Variants in ATCAY observed in about 807,000 individuals in gnomAD.
ATCAY encodes ATCAY kinesin light chain interacting caytaxin.
In ATCAY, 22 loss-of-function variants were observed where a neutral mutation model predicts 47.7. The ratio of observed to expected loss-of-function variants is 0.46; its 90% CI spans 0.33 to 0.66. The LOEUF is 0.66. Among genes scored for constraint, ATCAY ranks in the 30% least tolerant of loss-of-function variants. ATCAY has a pLI of 0.02. For synonymous variants in ATCAY, 216 were observed against 207.6 expected (o/e 1.04, Z -0.35); for missense variants, 452 against 515.0 (o/e 0.88, Z 1.18).
intron 3 of ATCAY, among the ~76,000 whole-genome samples, chr19:3,903,393 C>T (rs1483615662): frequency 2.0e-5 from 3 of 152,134 alleles, no homozygotes; most frequent in Non-Finnish European, 4.4e-5. Flanking sequence ...GCGATTGCAA[C>T]GTGCCTCCGG....
At chr19:3,898,023 G>A (rs565873563) in intron 2 of ATCAY, among the ~76,000 whole-genome samples, 1 of 152,208 alleles carries the variant, frequency 6.6e-6, no homozygotes, top group South Asian at 2.1e-4. Flanking sequence ...CATTCATAAT[G>A]TTCTGCAACC....
chr19:3,909,365 C>A, intron 6 of ATCAY, 121 bp from the exon 7 acceptor site: 1 of 1,185,972 alleles, frequency 8.4e-7, no homozygotes, highest in South Asian at 1.4e-5. Flanking sequence ...CAGACAACAC[C>A]TGGACCAGTG....
chr19:3,897,950 T>C (rs373766497), intron 2 of ATCAY, among the ~76,000 whole-genome samples: 20 of 152,094 alleles, frequency 1.3e-4, no homozygotes, highest in Non-Finnish European at 2.6e-4. Context: ...ATATAAAAAA[T>C]TGAGGTGGAA....
chr19:3,881,448 G>T (rs1435996195), intron 1 of ATCAY, among the ~76,000 whole-genome samples: 1 of 152,034 alleles, frequency 6.6e-6, no homozygotes, highest in East Asian at 1.9e-4. Context: ...GGGAGGAAGG[G>T]GGTGGTTTAT....
chr19:3,902,399 TG>T, intron 2 of ATCAY, 87 bp from the exon 3 acceptor site: 2 of 1,253,662 alleles, frequency 1.6e-6, no homozygotes. Context: ...CTGACTCGCC[TG>T]GCTGGACCTG....
intron 3 of ATCAY, among the ~76,000 whole-genome samples, chr19:3,904,974 C>T (rs1483403104): frequency 2.0e-5 from 3 of 152,084 alleles, no homozygotes; most frequent in Non-Finnish European, 4.4e-5. Flanking sequence ...ATTCTCCTGC[C>T]TCAGACTCCC....
intron 2 of ATCAY, among the ~76,000 whole-genome samples, chr19:3,887,640 C>T (rs2038671329): frequency 6.6e-6 from 1 of 150,684 alleles, no homozygotes; most frequent in Non-Finnish European, 1.5e-5. Context: ...GCACCCGCCA[C>T]CACGCCCGGC....
intron 12 of ATCAY, among the ~76,000 whole-genome samples, chr19:3,921,909 C>CA (rs2039024354): frequency 7.0e-6 from 1 of 143,882 alleles, no homozygotes; most frequent in Admixed American, 7.1e-5. Flanking sequence ...AAAAAAAAAA[C>CA]AAAAAAACAA....
chr19:3,905,399 C>A (rs771224365), intron 3 of ATCAY, 35 bp from the exon 4 acceptor site: 9 of 1,537,970 alleles, frequency 5.9e-6, no homozygotes, highest in Non-Finnish European at 7.9e-6. Context: ...AGAGAGAAAG[C>A]AAAGATGTTT....
At chr19:3,913,654 TG>T in intron 8 of ATCAY, 103 bp from the exon 9 acceptor site, 1 of 786,462 alleles carries the variant, frequency 1.3e-6, no homozygotes, top group Non-Finnish European at 2.2e-6. Context: ...CATCCTGGAG[TG>T]GGGTCCTGTG....
In ATCAY at chr19:3,926,023, A is replaced by C. The variant is rs1256397036; in HGVS notation, c.*1431A>C. On this transcript the variant is annotated 3_prime_UTR_variant, in exon 13 of 13. Transcript: ENST00000450849. The stretch of plus-strand genomic sequence containing the variant: ...CTCTGTCTCAAAAAAAATAAAAAAT[A>C]ATCAGGGCACAGTGGCTCATGCCTG... 18 of 150,180 alleles carry C rather than the reference A, an allele frequency of 1.2e-4. No individual in the cohort carries two copies. The highest frequency in any genetic ancestry group is 1.2e-3 in the Admixed American group (18 of 15,054). 9.3% of individuals were successfully genotyped at this position (150,180 alleles called of 1,614,324 possible).
chr19:3,905,558 C>T lies in ATCAY; in HGVS notation c.261C>T (p.Thr87=). Reference sequence around the variant, plus strand: ...TGCTGTCCGATGACTTCTTGGATACCCCTGATGACCTGGATATTAACGTGG... The same window carrying T: ...TGCTGTCCGATGACTTCTTGGATACTCCTGATGACCTGGATATTAACGTGG... ...GSLLSDDFLD[T]PDDLDINVDD... is the part of the protein sequence containing the mutation. Residue 87 remains threonine (T), a synonymous_variant, in exon 4 of 13, where the codon ACC becomes ACT. Coordinates refer to ENST00000450849, the MANE Select transcript of ATCAY (RefSeq NM_033064.5). 6.2e-7 allele frequency: 1 copy of T among 1,613,842 alleles called. No individual in the cohort carries two copies. Among genetic ancestry groups the T allele is most frequent in the Non-Finnish European group, 8.5e-7 (1 of 1,179,862 alleles).
intron 1 of ATCAY, among the ~76,000 whole-genome samples, chr19:3,885,124 A>C (rs1365639778): frequency 2.0e-5 from 3 of 149,584 alleles, no homozygotes; most frequent in Non-Finnish European, 3.0e-5. Context: ...AAAAAAAAAA[A>C]AAAAAAAAAA....
chr19:3,893,642 C>T (rs1439344892), intron 2 of ATCAY: 1 of 152,196 alleles, frequency 6.6e-6, no homozygotes, highest in African/African-American at 2.4e-5. Context: ...CTCACCTGAC[C>T]TTGGAAACTG....
In ATCAY at chr19:3,921,714, A is replaced by G. The variant is rs1399829151; in HGVS notation, c.1106+916A>G. On this transcript the variant is annotated intron_variant, in intron 12 of 12. Transcript: ENST00000450849. ...GGAATTCAAGACCAGCCTGGCCAATATGGTGAAACCCCATCTCTACTAAAA... is the reference window on the plus strand; with the variant it reads ...GGAATTCAAGACCAGCCTGGCCAATGTGGTGAAACCCCATCTCTACTAAAA... Among the ~76,000 whole-genome samples, 6 of 152,266 alleles carry G rather than the reference A, an allele frequency of 3.9e-5. No homozygotes were observed. In the East Asian group the frequency reaches 1.2e-3, roughly 29 times the overall value.
intron 9 of ATCAY, among the ~76,000 whole-genome samples, 158 bp from the exon 10 acceptor site, chr19:3,917,584 C>CAAAAAAAAAAAA (rs71166940): frequency 1.2e-4 from 5 of 40,836 alleles, no homozygotes; most frequent in African/African-American, 2.1e-4. Flanking sequence ...GACTCCATCT[C>CAAAAAAAAAAAA]AAAAAAAAAA....
chr19:3,885,921 G>A, intron 2 of ATCAY, 77 bp downstream of exon 2: 4 of 1,467,802 alleles, frequency 2.7e-6, no homozygotes, highest in Non-Finnish European at 3.7e-6. Flanking sequence ...AGCGGCCCGG[G>A]TCTCTCTCTA....
chr19:3,883,687 C>T (rs1465239138), intron 1 of ATCAY, among the ~76,000 whole-genome samples: 1 of 152,170 alleles, frequency 6.6e-6, no homozygotes, highest in East Asian at 1.9e-4. Flanking sequence ...TGTCCCCTTG[C>T]AGCAGGGGAG....
chr19:3,888,077 G>A (rs1274251666), intron 2 of ATCAY, among the ~76,000 whole-genome samples: 3 of 149,692 alleles, frequency 2.0e-5, no homozygotes, highest in Non-Finnish European at 4.4e-5. Flanking sequence ...ATGTGCCACC[G>A]CACTCCAGCC....
Sources: allele counts gnomAD v4.1 joint callset (sites outside exome capture counted in the v4.1 genomes callset), GRCh38; gene constraint gnomAD v4.1.1; transcripts MANE v1.5; gene names NCBI Gene and HGNC (gene_info 2026-07-23, HGNC 2026-07-21).